Variants in FER observed in about 807,000 individuals in gnomAD.
FER encodes the protein tyrosine-protein kinase Fer.
A neutral mutation model predicts 111.0 loss-of-function variants in FER; 63 were observed. The observed-to-expected ratio is 0.57, with a 90% confidence interval of 0.46 to 0.70. FER has a LOEUF of 0.70. Ranked by LOEUF, FER falls within the 30% of genes least tolerant of loss-of-function variation. The pLI is 0.00. For synonymous variants in FER, 327 were observed against 313.9 expected (o/e 1.04, Z -0.44); for missense variants, 914 against 954.0 (o/e 0.96, Z 0.55).
chr5:108,885,702 G>A (rs1033684668), intron 9 of FER, among the ~76,000 whole-genome samples: 1 of 151,480 alleles, frequency 6.6e-6, no homozygotes, highest in Non-Finnish European at 1.5e-5. Flanking sequence ...CCTTCCAAAG[G>A]CCCCCACCTC....
At chr5:109,049,361 G>C (rs910471722) in intron 16 of FER, among the ~76,000 whole-genome samples, 1 of 152,168 alleles carries the variant, frequency 6.6e-6, no homozygotes, top group Non-Finnish European at 1.5e-5. Context: ...GTTGCTGGCA[G>C]AATCATGTCC....
intron 13 of FER, among the ~76,000 whole-genome samples, chr5:108,989,963 C>A (rs1762981014): frequency 6.6e-6 from 1 of 151,778 alleles, no homozygotes; most frequent in African/African-American, 2.4e-5. Context: ...AGTCTCAGGT[C>A]AAGGAGTATG....
chr5:108,793,675 C>A (rs1755665954), intron 2 of FER, among the ~76,000 whole-genome samples: 1 of 152,214 alleles, frequency 6.6e-6, no homozygotes, highest in African/African-American at 2.4e-5. Flanking sequence ...TACATCCTTA[C>A]TATTTGTTTT....
chr5:108,832,270 A>G (rs1760122256), intron 3 of FER, among the ~76,000 whole-genome samples: 1 of 152,212 alleles, frequency 6.6e-6, no homozygotes, highest in Non-Finnish European at 1.5e-5. Flanking sequence ...AAAACAAGCC[A>G]GGAATTTTGG....
At chr5:108,986,121 A>T (rs1762545369) in intron 13 of FER, among the ~76,000 whole-genome samples, 1 of 151,954 alleles carries the variant, frequency 6.6e-6, no homozygotes, top group African/African-American at 2.4e-5. Flanking sequence ...TTTTTTTATT[A>T]TGGCCACTCT....
chr5:108,893,761 T>C (rs1279471446), intron 9 of FER, among the ~76,000 whole-genome samples: 2 of 152,006 alleles, frequency 1.3e-5, no homozygotes, highest in Admixed American at 6.6e-5. Context: ...AAAGGCCTTA[T>C]GGTCATAAGA....
intron 1 of FER, among the ~76,000 whole-genome samples, chr5:108,750,990 C>T (rs959724430): frequency 2.6e-5 from 4 of 152,044 alleles, no homozygotes; most frequent in East Asian, 3.9e-4. Context: ...GTCGGGAGTT[C>T]GAGACCAGCC....
chr5:108,979,140 C>T (rs1018968873), intron 13 of FER, among the ~76,000 whole-genome samples: 2 of 151,940 alleles, frequency 1.3e-5, no homozygotes, highest in African/African-American at 4.8e-5. Flanking sequence ...CATTATTTAC[C>T]CTTAGAAATC....
intron 10 of FER, among the ~76,000 whole-genome samples, chr5:108,934,726 T>G (rs1398387483): frequency 6.6e-6 from 1 of 152,158 alleles, no homozygotes; most frequent in Non-Finnish European, 1.5e-5. Flanking sequence ...GTGACCTTGC[T>G]ACTGCTGAGC....
intron 10 of FER, among the ~76,000 whole-genome samples, chr5:108,924,446 G>A (rs76191453): frequency 1.3e-5 from 2 of 150,458 alleles, no homozygotes; most frequent in East Asian, 3.9e-4. Context: ...AGGATTTTCC[G>A]TTTGTTGCTC....
At chr5:109,096,788 C>G (rs573738008) in intron 16 of FER, among the ~76,000 whole-genome samples, 1 of 151,674 alleles carries the variant, frequency 6.6e-6, no homozygotes, top group South Asian at 2.1e-4. Context: ...TTAATACCCT[C>G]CAAAATGGTA....
intron 17 of FER, among the ~76,000 whole-genome samples, chr5:109,164,311 A>G (rs141807900): frequency 0.011 from 1,701 of 152,280 alleles, 14 homozygotes; most frequent in Admixed American, 0.017. Flanking sequence ...TAGAATTTGA[A>G]TGACCCTGTC....
At chr5:109,036,674 T>A (rs1770449437) in intron 13 of FER, among the ~76,000 whole-genome samples, 1 of 152,044 alleles carries the variant, frequency 6.6e-6, no homozygotes, top group South Asian at 2.1e-4. Context: ...TATTCCTCCC[T>A]TCCTTTTCTC....
At chr5:108,952,265 C>A (rs1757856713) in intron 11 of FER, among the ~76,000 whole-genome samples, 2 of 149,312 alleles carry the variant, frequency 1.3e-5, no homozygotes, top group African/African-American at 2.4e-5. Context: ...AGCTTCCTTT[C>A]ATTTGTGATG....
At chr5:108,977,363 GAC>G (rs1417821579) in intron 13 of FER, among the ~76,000 whole-genome samples, 1 of 152,102 alleles carries the variant, frequency 6.6e-6, no homozygotes, top group Admixed American at 6.5e-5. Flanking sequence ...ATGGATTCAT[GAC>G]ATACCTTTTT....
At chr5:109,011,551 C>G (rs891355576) in intron 13 of FER, among the ~76,000 whole-genome samples, 7 of 152,138 alleles carry the variant, frequency 4.6e-5, no homozygotes, top group African/African-American at 1.2e-4. Flanking sequence ...ACTTAATGAG[C>G]TAGCCTCTTT....
At chr5:109,102,571 C>G (rs1748373832) in intron 17 of FER, among the ~76,000 whole-genome samples, 1 of 152,136 alleles carries the variant, frequency 6.6e-6, no homozygotes, top group Non-Finnish European at 1.5e-5. Flanking sequence ...TTTTTATTCT[C>G]ATAAATACTT....
At chr5:108,845,021 T>TATATATATATATAC (rs1761811341) in intron 5 of FER, among the ~76,000 whole-genome samples, 1 of 52,730 alleles carries the variant, frequency 1.9e-5, no homozygotes, top group Non-Finnish European at 3.7e-5. Flanking sequence ...TATATATATA[T>TATATATATATATAC]ATATATATAT....
chr5:109,145,075 T>A (rs931249830), intron 17 of FER, among the ~76,000 whole-genome samples: 1 of 151,854 alleles, frequency 6.6e-6, no homozygotes, highest in Non-Finnish European at 1.5e-5. Context: ...TTTATTGTTA[T>A]GTTTCAAATT....
Sources: allele counts gnomAD v4.1 joint callset (sites outside exome capture counted in the v4.1 genomes callset), GRCh38; gene constraint gnomAD v4.1.1; transcripts MANE v1.5; gene names NCBI Gene and HGNC (gene_info 2026-07-23, HGNC 2026-07-21).